The following NR2F1-AS1 variants were observed in gnomAD, a reference collection of about 807,000 sequenced individuals.
The protein encoded by NR2F1-AS1 is NR2F1 regulatory antisense RNA 1.
intron 4 of NR2F1-AS1, among the ~76,000 whole-genome samples, chr5:93,430,861 T>TATCATCATCATCATCATC (rs138817898): frequency 0.011 from 1,607 of 149,634 alleles, 40 homozygotes; most frequent in African/African-American, 0.038. Flanking sequence ...TCCCTTGCTT[T>TATCATCATCATCATCATC]ATCATCATCA....
intron 4 of NR2F1-AS1, among the ~76,000 whole-genome samples, chr5:93,469,681 T>C (rs1245287246): frequency 6.6e-6 from 1 of 152,042 alleles, no homozygotes; most frequent in Non-Finnish European, 1.5e-5. Context: ...AAGAAATACA[T>C]GTTGAATCAA....
intron 4 of NR2F1-AS1, among the ~76,000 whole-genome samples, chr5:93,421,286 C>G (rs982044570): frequency 2.0e-5 from 3 of 151,446 alleles, no homozygotes; most frequent in Non-Finnish European, 2.9e-5. Flanking sequence ...TTCCACTGAT[C>G]TATTTTCATG....
chr5:93,487,150 G>T (rs1358902607), intron 4 of NR2F1-AS1, among the ~76,000 whole-genome samples: 1 of 152,056 alleles, frequency 6.6e-6, no homozygotes, highest in Admixed American at 6.6e-5. Context: ...ATACTGAATG[G>T]GCAAAAGCTG....
At chr5:93,422,498 A>G (rs1301888065) in intron 4 of NR2F1-AS1, 1 of 152,218 alleles carries the variant, frequency 6.6e-6, no homozygotes, top group East Asian at 1.9e-4. Flanking sequence ...TTTACTTACA[A>G]TACATTCATT....
intron 4 of NR2F1-AS1, among the ~76,000 whole-genome samples, chr5:93,432,700 G>C (rs1245620672): frequency 6.6e-6 from 1 of 152,132 alleles, no homozygotes; most frequent in Non-Finnish European, 1.5e-5. Flanking sequence ...TTCCCTGGCA[G>C]AACTTCACAA....
intron 4 of NR2F1-AS1, among the ~76,000 whole-genome samples, chr5:93,427,046 AG>A (rs1489887976): frequency 1.3e-5 from 2 of 152,326 alleles, no homozygotes; most frequent in African/African-American, 4.8e-5. Context: ...GAGTTAGTTA[AG>A]GAAGAAACAG....
chr5:93,474,123 CCT>C (rs1379755061), intron 4 of NR2F1-AS1, among the ~76,000 whole-genome samples: 3 of 152,014 alleles, frequency 2.0e-5, no homozygotes, highest in Non-Finnish European at 2.9e-5. Flanking sequence ...AAATTTATCT[CCT>C]CTAATGTTTC....
chr5:93,531,493 T>C (rs1031168009), intron 4 of NR2F1-AS1, among the ~76,000 whole-genome samples: 2 of 152,178 alleles, frequency 1.3e-5, no homozygotes, highest in African/African-American at 2.4e-5. Flanking sequence ...TAAACTAAAT[T>C]TCCTAATAAA....
At chr5:93,521,647 T>G (rs1313474606) in intron 4 of NR2F1-AS1, among the ~76,000 whole-genome samples, 1 of 151,894 alleles carries the variant, frequency 6.6e-6, no homozygotes, top group African/African-American at 2.4e-5. Flanking sequence ...GAAATGCAAA[T>G]CAAAACCACA....
intron 4 of NR2F1-AS1, among the ~76,000 whole-genome samples, chr5:93,439,253 A>T (rs1047817416): frequency 6.6e-5 from 10 of 152,256 alleles, no homozygotes; most frequent in Non-Finnish European, 1.2e-4. Flanking sequence ...ATGGACAATT[A>T]GTGCCACATC....
intron 1 of NR2F1-AS1, chr5:93,570,910 G>A (rs935618379): frequency 6.6e-6 from 1 of 152,246 alleles, no homozygotes; most frequent in African/African-American, 2.4e-5. Context: ...TCCAGGGAAA[G>A]GGGTGGGAGG....
intron 4 of NR2F1-AS1, among the ~76,000 whole-genome samples, chr5:93,515,395 C>T (rs1374236892): frequency 6.6e-6 from 1 of 151,870 alleles, no homozygotes; most frequent in Non-Finnish European, 1.5e-5. Flanking sequence ...TTCTCCACTT[C>T]TTTTCATCAT....
intron 4 of NR2F1-AS1, among the ~76,000 whole-genome samples, chr5:93,482,279 G>A (rs1314340568): frequency 6.6e-6 from 1 of 152,104 alleles, no homozygotes; most frequent in South Asian, 2.1e-4. Context: ...CAGGTTAGAC[G>A]GTGGGTGCAG....
Position 93,412,334 on chromosome 5 carries a change from A to G in NR2F1-AS1, n.639-16792T>C, listed in dbSNP as rs569392081. Among the ~76,000 whole-genome samples the G allele has an allele frequency of 7.8e-4, 118 of 151,844 alleles. 1 individual carries two copies. In the Middle Eastern group the frequency reaches 0.01, roughly 13 times the overall value. On this transcript the variant is annotated intron_variant and non_coding_transcript_variant, in intron 4 of 5. Coordinates refer to ENST00000660523, the Ensembl canonical transcript of NR2F1-AS1. ...TCAACTCCTTCCAAGCAATGCTACC[A>G]CCTCTGGGCCTCCACCTCAGCCATT...
intron 2 of NR2F1-AS1, among the ~76,000 whole-genome samples, chr5:93,560,001 C>T (rs973768106): frequency 6.6e-6 from 1 of 152,130 alleles, no homozygotes; most frequent in Non-Finnish European, 1.5e-5. Context: ...TTGTAAAAAA[C>T]GTAGTATCTG....
At chr5:93,543,591 G>C (rs1395278896) in intron 4 of NR2F1-AS1, 2 of 152,056 alleles carry the variant, frequency 1.3e-5, no homozygotes, top group African/African-American at 4.8e-5. Context: ...TGCATGAAAT[G>C]GTGAGAAAAT....
At chr5:93,413,016 C>T (rs1748890428) in intron 4 of NR2F1-AS1, among the ~76,000 whole-genome samples, 1 of 150,766 alleles carries the variant, frequency 6.6e-6, no homozygotes, top group African/African-American at 2.4e-5. Context: ...CTGCTGAGAC[C>T]CTTCATAGGA....
chr5:93,569,436 T>C (rs1752692307), intron 1 of NR2F1-AS1, among the ~76,000 whole-genome samples: 1 of 152,176 alleles, frequency 6.6e-6, no homozygotes, highest in African/African-American at 2.4e-5. Flanking sequence ...TGGGCTTATC[T>C]CCCCAACCTG....
At chr5:93,487,902 C>T (rs746104421) in intron 4 of NR2F1-AS1, among the ~76,000 whole-genome samples, 1 of 152,034 alleles carries the variant, frequency 6.6e-6, no homozygotes, top group Non-Finnish European at 1.5e-5. Context: ...ATATATAGAC[C>T]AATGGAACAG....
Sources: allele counts gnomAD v4.1 joint callset (sites outside exome capture counted in the v4.1 genomes callset), GRCh38; gene constraint gnomAD v4.1.1; transcripts MANE v1.5; gene names NCBI Gene and HGNC (gene_info 2026-07-23, HGNC 2026-07-21).